Variants in NT5M observed in about 807,000 individuals in gnomAD.
NT5M encodes 5'(3')-deoxyribonucleotidase, mitochondrial.
In NT5M, 22 loss-of-function variants were observed where a neutral mutation model predicts 22.2. The observed-to-expected ratio is 0.99, with a 90% CI of 0.71 to 1.41. NT5M has a LOEUF of 1.41. Among genes scored for constraint, NT5M ranks in the 40% most tolerant of loss-of-function variants. The probability of loss-of-function intolerance (pLI) is 0.00; values close to 1 mark genes in which losing one functional copy is unlikely to be tolerated. For missense variants in NT5M, 322 were observed against 314.8 expected, an observed-to-expected ratio of 1.02 and a Z score of -0.17; for synonymous variants, 167 against 133.0, an observed-to-expected ratio of 1.26 and a Z score of -1.76.
chr17:17,313,740 C>T (rs989698059), intron 2 of NT5M, among the ~76,000 whole-genome samples: 7 of 152,220 alleles, frequency 4.6e-5, no homozygotes, highest in African/African-American at 1.7e-4. Context: ...GGGGCTCAGG[C>T]AGGCAGGCAG....
intron 3 of NT5M, among the ~76,000 whole-genome samples, chr17:17,325,474 A>G (rs2049246595): frequency 6.6e-6 from 1 of 151,958 alleles, no homozygotes; most frequent in South Asian, 2.1e-4. Context: ...CCCATGTCCC[A>G]TGGGACCGAT....
chr17:17,319,750 A>C (rs1742151786), intron 2 of NT5M, among the ~76,000 whole-genome samples: 1 of 150,734 alleles, frequency 6.6e-6, no homozygotes, highest in South Asian at 2.1e-4. Flanking sequence ...GGGAGAGATA[A>C]CAAAGGAGAA....
chr17:17,304,659 C>G (rs2048755721), intron 1 of NT5M, among the ~76,000 whole-genome samples: 1 of 152,116 alleles, frequency 6.6e-6, no homozygotes, highest in Non-Finnish European at 1.5e-5. Flanking sequence ...ACTGCATCCT[C>G]TCTTTTGTTG....
At chr17:17,344,084 T>C (rs1345859112) in intron 3 of NT5M, among the ~76,000 whole-genome samples, 5 of 152,148 alleles carry the variant, frequency 3.3e-5, no homozygotes, top group Admixed American at 2.6e-4. Flanking sequence ...AGGATGCCGG[T>C]GGCTTGCCAG....
chr17:17,330,248 C>T (rs1044844138), intron 3 of NT5M, among the ~76,000 whole-genome samples: 3 of 146,706 alleles, frequency 2.0e-5, no homozygotes, highest in African/African-American at 7.6e-5. Flanking sequence ...TGCAGTGAGC[C>T]GAGATGGTGC....
intron 2 of NT5M, among the ~76,000 whole-genome samples, chr17:17,317,731 A>G (rs1053102626): frequency 3.3e-5 from 5 of 151,402 alleles, no homozygotes; most frequent in Non-Finnish European, 7.4e-5. Context: ...TTGGAAGGCC[A>G]TGGAGGGCGA....
chr17:17,304,428 G>A (rs2048749054), intron 1 of NT5M: 1 of 985,306 alleles, frequency 1.0e-6, no homozygotes, highest in Non-Finnish European at 1.2e-6. Context: ...TTCTGTCCAG[G>A]ATGGATAGAG....
chr17:17,315,743 GGTTTTTTTGTTTTT>G (rs1377765590), intron 2 of NT5M, among the ~76,000 whole-genome samples: 2 of 131,282 alleles, frequency 1.5e-5, no homozygotes, highest in African/African-American at 2.9e-5. Flanking sequence ...TCTAACTTAG[GGTTTTTTTGTTTTT>G]TTTTTTTTTT....
chr17:17,317,060 T>TG lies in NT5M; in HGVS notation c.369-6125_369-6124insG, dbSNP rs780396335. On this transcript the variant is annotated intron_variant, in intron 2 of 4. Coordinates refer to ENST00000389022, the MANE Select transcript of NT5M (RefSeq NM_020201.4). ...TTGTTTTTGTTTTTGTTTTTGTTTT[T>TG]TTTTTTTGAGACAGAGTCTCGCTCT... Among the ~76,000 whole-genome samples, 346 of 148,366 alleles carry TG rather than the reference T, an allele frequency of 2.3e-3. 1 individual carries two copies. Among genetic ancestry groups the TG allele is most frequent in the East Asian group, 2.0e-3 (10 of 5,038 alleles).
chr17:17,320,068 C>T (rs1276980827), intron 2 of NT5M, among the ~76,000 whole-genome samples: 2 of 152,202 alleles, frequency 1.3e-5, no homozygotes, highest in Non-Finnish European at 2.9e-5. Context: ...TCTTGAACTC[C>T]TGACCTCAGG....
intron 3 of NT5M, among the ~76,000 whole-genome samples, chr17:17,330,844 G>A (rs1044139124): frequency 4.0e-5 from 6 of 148,460 alleles, no homozygotes; most frequent in African/African-American, 1.2e-4. Context: ...CCGGGTTCAC[G>A]CCATTCTCCT....
intron 2 of NT5M, among the ~76,000 whole-genome samples, chr17:17,309,847 C>T (rs1363969309): frequency 5.6e-5 from 8 of 143,458 alleles, no homozygotes; most frequent in Admixed American, 2.9e-4. Context: ...TTTTTTGAGA[C>T]GGAGTCTCAC....
rs923107301 is a variant in NT5M, at chr17:17,347,119, G to A, written c.*172G>A. 8.0e-6 allele frequency: 7 copies of A among 870,254 alleles called. No individual in the cohort carries two copies. The highest frequency in any genetic ancestry group is 3.0e-5 in the Admixed American group (1 of 33,886). The allele number at this position is 870,254 out of a possible 1,614,324, so 53.9% of individuals were successfully genotyped here. ...CCCTGCCAGGCCTTAACCTGATCAC[G>A]GGGCAGGGCTGGGCCCTCTGGGCGC... On this transcript the variant is annotated 3_prime_UTR_variant, in exon 5 of 5. Transcript: ENST00000389022.
chr17:17,307,817 C>T (rs9907711), intron 2 of NT5M, among the ~76,000 whole-genome samples: 116,782 of 151,898 alleles, frequency 0.77, 45,426 homozygotes, highest in Non-Finnish European at 0.83. Flanking sequence ...AAGATCGCGC[C>T]ACTACACTCT....
At chr17:17,306,468 T>G (rs2048803315) in intron 1 of NT5M, 75 bp from the exon 2 acceptor site, 1 of 985,530 alleles carries the variant, frequency 1.0e-6, no homozygotes, top group Non-Finnish European at 1.6e-6. Flanking sequence ...CCCTATAGCC[T>G]GGCCATACTC....
chr17:17,335,013 A>G (rs1465344045), intron 3 of NT5M, among the ~76,000 whole-genome samples: 1 of 151,678 alleles, frequency 6.6e-6, no homozygotes, highest in African/African-American at 2.4e-5. Context: ...TATGTAGGCC[A>G]CCTCTACCTT....
intron 2 of NT5M, among the ~76,000 whole-genome samples, chr17:17,307,356 G>C (rs1048865647): frequency 6.6e-6 from 1 of 152,156 alleles, no homozygotes; most frequent in Non-Finnish European, 1.5e-5. Context: ...GGGCACGGTG[G>C]CTCACGCCTG....
At position 17,303,789 on chromosome 17, in the gene NT5M, A is replaced by C; in HGVS notation, c.239A>C (p.Gln80Pro). Residue 80 changes from glutamine (Q) to proline (P), a missense_variant, in exon 1 of 5, where the codon CAG becomes CCG. Gln to Pro is a moderately conservative substitution (Grantham distance 76). Transcript: ENST00000389022. ...EDRRGFWVSE[Q>P]YGRLRPGLSE... Reference sequence around the variant, plus strand: ...CGGCGCGGCTTCTGGGTGTCGGAGCAGTACGGCCGCCTGCGGCCAGGGCTG... The same window carrying C: ...CGGCGCGGCTTCTGGGTGTCGGAGCCGTACGGCCGCCTGCGGCCAGGGCTG... The C allele has an allele frequency of 6.4e-7, 1 of 1,561,420 alleles. No homozygotes were observed. The highest frequency in any genetic ancestry group is 8.7e-7 in the Non-Finnish European group (1 of 1,153,584).
intron 2 of NT5M, among the ~76,000 whole-genome samples, chr17:17,318,480 C>CAA (rs71355545): frequency 0.01 from 430 of 41,612 alleles, 17 homozygotes; most frequent in Middle Eastern, 0.068. Flanking sequence ...GACTCTGTCT[C>CAA]AAAAAAAAAA....
Sources: gnomAD v4.1 joint callset for allele counts (sites outside exome capture counted in the v4.1 genomes callset) on GRCh38, gnomAD v4.1.1 for gene constraint, MANE v1.5 for transcripts, NCBI Gene and HGNC (gene_info 2026-07-23, HGNC 2026-07-21) for gene names.